Variants in PCDHGB2 observed in about 807,000 individuals in gnomAD.
The protein encoded by PCDHGB2 is protocadherin gamma subfamily B, 2.
PCDHGB2 carries 55 observed loss-of-function variants against 59.3 expected under a neutral mutation model. That is an observed-to-expected ratio of 0.93 (90% CI 0.75 to 1.16). The LOEUF is 1.16. PCDHGB2 is among the 50% of genes most tolerant of loss of function. The pLI is 0.00. For missense variants in PCDHGB2, 1,228 were observed against 1,198.5 expected (o/e 1.02, Z -0.36); for synonymous variants, 516 against 512.0 (o/e 1.01, Z -0.11).
Position 141,393,093 on chromosome 5 carries a change from G to A in PCDHGB2, c.2421+30537G>A, listed in dbSNP as rs781611512. On this transcript the variant is annotated intron_variant, in intron 1 of 3. Coordinates refer to ENST00000522605, the MANE Select transcript of PCDHGB2 (RefSeq NM_018923.3). The stretch of plus-strand genomic sequence containing the variant: ...CACCGCGGGCAGGATAGATCGGGAG[G>A]AGCTCTGCGCTCAGAGCCCGCGGTG... 138 of 1,613,502 alleles carry A rather than the reference G, an allele frequency of 8.6e-5. No individual in the cohort carries two copies. The highest frequency in any genetic ancestry group is 1.2e-4 in the Non-Finnish European group (136 of 1,179,914).
rs999250620 is a variant in PCDHGB2, at chr5:141,373,672, T to C, written c.2421+11116T>C. 5.3e-5 allele frequency among the ~76,000 whole-genome samples: 8 copies of C among 152,368 alleles called. No individual in the cohort carries two copies. The East Asian group carries it at 1.3e-3, about 26-fold the overall frequency. ...TAAGAGATATTTTCATAAAAATGAA[T>C]GGTAAACTTCAGAGAACATTTAAAA... On this transcript the variant is annotated intron_variant, in intron 1 of 3. Coordinates refer to ENST00000522605, the MANE Select transcript of PCDHGB2 (RefSeq NM_018923.3).
At chr5:141,418,310 G>C (rs778649723) in intron 1 of PCDHGB2, 2 of 1,613,990 alleles carry the variant, frequency 1.2e-6, no homozygotes, top group Non-Finnish European at 1.7e-6. Context: ...CCTGGGGATG[G>C]GAACAATTCT....
chr5:141,462,161 T>G (rs1592764918), intron 1 of PCDHGB2, among the ~76,000 whole-genome samples: 1 of 152,148 alleles, frequency 6.6e-6, no homozygotes, highest in Non-Finnish European at 1.5e-5. Flanking sequence ...GGTTTCATCA[T>G]GTTGGCCAGG....
At chr5:141,414,570 C>G (rs1253876890) in intron 1 of PCDHGB2, 13 of 1,613,862 alleles carry the variant, frequency 8.1e-6, no homozygotes, top group Non-Finnish European at 1.0e-5. Flanking sequence ...TTACCTATAT[C>G]CCAGAGAACA....
chr5:141,385,363 T>G lies in PCDHGB2; in HGVS notation c.2421+22807T>G, dbSNP rs533363868. The G allele has an allele frequency of 5.7e-5, 88 of 1,539,980 alleles. No individual in the cohort carries two copies. The South Asian group carries it at 1.1e-3, about 19-fold the overall frequency. The stretch of plus-strand genomic sequence containing the variant: ...TCCTTTATTTCCATGAGGAATTTAT[T>G]TGCATGATATTTCTCTATTATTTTG... On this transcript the variant is annotated intron_variant, in intron 1 of 3. Transcript: ENST00000522605.
chr5:141,408,021 A>C (rs2095027284), intron 1 of PCDHGB2: 1 of 1,036,444 alleles, frequency 9.6e-7, no homozygotes, highest in Non-Finnish European at 1.3e-6. Context: ...AGCCAACAAC[A>C]GAAAGAAGAA....
chr5:141,403,442 G>C (rs565143998), intron 1 of PCDHGB2: 1 of 1,614,024 alleles, frequency 6.2e-7, no homozygotes, highest in East Asian at 2.2e-5. Flanking sequence ...GGATGTTGGC[G>C]TGAACTCCCT....
At position 141,490,561 on chromosome 5, in the gene PCDHGB2, A is replaced by C. The variant is rs2099701634; in HGVS notation, c.2422-4246A>C. The stretch of plus-strand genomic sequence containing the variant: ...TTCCCTACACAAACATCTCACCATC[A>C]GGCTCAACATTTCAGATGTCAATGA... On this transcript the variant is annotated intron_variant, in intron 1 of 3. Transcript: ENST00000522605. The surrounding 1 kb of genome is among the most constrained non-coding windows in gnomAD (Gnocchi z 5.4). The C allele has an allele frequency of 1.2e-6, 2 of 1,614,090 alleles. No homozygotes were observed. The highest frequency in any genetic ancestry group is 1.7e-4 in the Middle Eastern group (1 of 6,060).
rs116335001 is a variant in PCDHGB2, at chr5:141,360,878, G to C, written c.743G>C (p.Arg248Thr). 2.7e-5 allele frequency: 43 copies of C among 1,614,024 alleles called. No homozygotes were observed. The African/African-American group carries it at 5.3e-4, about 20-fold the overall frequency. Residue 248 changes from arginine to threonine, a missense_variant, in exon 1 of 4, where the codon AGG (arginine) becomes ACG (threonine). This residue lies in a region of PCDHGB2 where 781 missense variants were observed against 721.6 expected (regional missense o/e 1.08). Transcript: ENST00000522605. ...NPPVFSQDVY[R>T]VTLREDVPPG... is the part of the protein sequence containing the mutation. ...CCAGTGTTCAGCCAGGACGTGTACA[G>C]GGTCACCCTGAGGGAGGACGTGCCG...
intron 1 of PCDHGB2, among the ~76,000 whole-genome samples, chr5:141,455,732 A>G (rs1056074268): frequency 6.6e-6 from 1 of 152,190 alleles, no homozygotes; most frequent in Non-Finnish European, 1.5e-5. Context: ...CTGCATTTGC[A>G]TATCAAAGGT....
At chr5:141,375,014 G>C in intron 1 of PCDHGB2, 1 of 1,614,004 alleles carries the variant, frequency 6.2e-7, no homozygotes, top group Non-Finnish European at 8.5e-7. Flanking sequence ...AGACTATGAG[G>C]ACTCGAGTTT....
intron 1 of PCDHGB2, among the ~76,000 whole-genome samples, chr5:141,468,041 T>C (rs972340736): frequency 4.6e-5 from 7 of 152,120 alleles, no homozygotes; most frequent in Admixed American, 3.9e-4. Flanking sequence ...TTTAGAAAAC[T>C]AAGCCGGGCA....
chr5:141,478,660 T>C, intron 1 of PCDHGB2: 2 of 1,551,848 alleles, frequency 1.3e-6, no homozygotes, highest in Non-Finnish European at 1.7e-6. Flanking sequence ...TGGTGATGCA[T>C]TCACACTTTC....
intron 1 of PCDHGB2, chr5:141,382,938 C>G (rs1778602174): frequency 6.3e-7 from 1 of 1,592,964 alleles, no homozygotes; most frequent in Admixed American, 1.7e-5. Context: ...ACAGAGGATT[C>G]TTCCTGCTCT....
rs746903142 is a variant in PCDHGB2, at chr5:141,491,667, G to T, written c.2422-3140G>T. ...TGGCGCTGGAGCCTGACGCCATCCG[G>T]TCCCGCTCTAATACGCTGCGGGAGC... On this transcript the variant is annotated intron_variant, in intron 1 of 3. Coordinates refer to ENST00000522605, the MANE Select transcript of PCDHGB2 (RefSeq NM_018923.3). The surrounding 1 kb of genome is among the most constrained non-coding windows in gnomAD (Gnocchi z 6.9). 1.9e-6 allele frequency: 3 copies of T among 1,613,794 alleles called. No individual in the cohort carries two copies. Among genetic ancestry groups the T allele is most frequent in the Admixed American group, 1.7e-5 (1 of 60,032 alleles).
chr5:141,472,865 A>G (rs1329594490), intron 1 of PCDHGB2, among the ~76,000 whole-genome samples: 3 of 149,558 alleles, frequency 2.0e-5, no homozygotes, highest in Non-Finnish European at 4.5e-5. Flanking sequence ...ACATGCCTGT[A>G]TTCCCAGCTA....
chr5:141,399,055 G>A (rs372997829), intron 1 of PCDHGB2: 3 of 1,613,726 alleles, frequency 1.9e-6, no homozygotes, highest in African/African-American at 2.7e-5. Context: ...AGAGACCAAG[G>A]AATATTCAAT....
chr5:141,510,289 A>T (rs1279501931), intron 3 of PCDHGB2, among the ~76,000 whole-genome samples: 3 of 151,754 alleles, frequency 2.0e-5, no homozygotes, highest in Non-Finnish European at 4.4e-5. Context: ...AAAAAAAAAA[A>T]AATGCTGTTT....
At chr5:141,415,386 A>G (rs1383734863) in intron 1 of PCDHGB2, 9 of 1,614,156 alleles carry the variant, frequency 5.6e-6, no homozygotes, top group Non-Finnish European at 7.6e-6. Flanking sequence ...GCGGCTTGAC[A>G]GGTGTGTCCG....
Sources: allele counts gnomAD v4.1 joint callset (sites outside exome capture counted in the v4.1 genomes callset), GRCh38; gene constraint gnomAD v4.1.1; regional missense constraint gnomAD v4.1.1; non-coding constraint Gnocchi (gnomAD v3.1); transcripts MANE v1.5; gene names NCBI Gene and HGNC (gene_info 2026-07-23, HGNC 2026-07-21).